The following ZZEF1 variants were observed in gnomAD, a reference collection of about 807,000 sequenced individuals.
The protein encoded by ZZEF1 is zinc finger ZZ-type and EF-hand domain containing 1.
ZZEF1 carries 157 observed loss-of-function variants against 342.8 expected under a neutral mutation model. The observed-to-expected ratio is 0.46, with a 90% CI of 0.40 to 0.52. The LOEUF is 0.52. Among genes scored for constraint, ZZEF1 ranks in the 20% least tolerant of loss-of-function variants. The pLI, the probability that ZZEF1 is intolerant of heterozygous loss-of-function variation, is 0.00. For synonymous variants in ZZEF1, 1,505 were observed against 1,429.1 expected, an observed-to-expected ratio of 1.05 and a Z score of -1.20; for missense variants, 3,480 against 3,725.6, an observed-to-expected ratio of 0.93 and a Z score of 1.72.
intron 1 of ZZEF1, among the ~76,000 whole-genome samples, chr17:4,135,585 G>A (rs1183193711): frequency 6.6e-6 from 1 of 152,104 alleles, no homozygotes; most frequent in Non-Finnish European, 1.5e-5. Flanking sequence ...CATCTCCTCT[G>A]GACAGTTCTG....
rs1394813821 is a variant in ZZEF1, at chr17:4,017,665, G to A, written c.7707C>T (p.Ser2569=). 1 of 1,614,018 alleles carries A rather than the reference G, an allele frequency of 6.2e-7. No homozygotes were observed. The highest frequency in any genetic ancestry group is 2.2e-5 in the East Asian group (1 of 44,882). Residue 2569 remains serine (S), a synonymous_variant, in exon 48 of 55, where the codon TCC becomes TCT. Coordinates refer to ENST00000381638, the MANE Select transcript of ZZEF1 (RefSeq NM_015113.4). This position sits in a 1 kb window ranked among gnomAD's most constrained non-coding sequence, Gnocchi z 5.1. ...TCTGCTGCAGTTCGCTCTCTGTGCT[G>A]GAGATCAGCTTCTGGGTCACAGGGT... ...ESNPVTQKLI[S]STESELQQSY...
At chr17:4,072,315 G>A (rs1164827805) in intron 25 of ZZEF1, among the ~76,000 whole-genome samples, 1 of 152,172 alleles carries the variant, frequency 6.6e-6, no homozygotes, top group African/African-American at 2.4e-5. Context: ...TGACTCAGTA[G>A]GCACTAGAAG....
Position 4,075,095 on chromosome 17 carries a change from A to T in ZZEF1, c.3483+2T>A. ...GTACCTCTTTCTGGGACTATCACTC[A>T]CCTTGGGCCATTTATCAGTGCCAAC... On this transcript the variant is annotated splice_donor_variant, in intron 23 of 54. Coordinates refer to ENST00000381638, the MANE Select transcript of ZZEF1 (RefSeq NM_015113.4). LOFTEE classifies it high-confidence loss of function. The T allele has an allele frequency of 1.2e-6, 2 of 1,613,960 alleles. No individual in the cohort carries two copies. Among genetic ancestry groups the T allele is most frequent in the Non-Finnish European group, 1.7e-6 (2 of 1,179,940 alleles).
In ZZEF1 at chr17:4,014,693, T is replaced by C. The variant is rs1303607407; in HGVS notation, c.8146-178A>G. 2.6e-5 allele frequency among the ~76,000 whole-genome samples: 4 copies of C among 152,104 alleles called. No homozygotes were observed. The highest frequency in any genetic ancestry group is 4.8e-5 in the African/African-American group (2 of 41,388). On this transcript the variant is annotated intron_variant, in intron 49 of 54. Transcript: ENST00000381638. This position sits in a 1 kb window ranked among gnomAD's most constrained non-coding sequence, Gnocchi z 4.4. The stretch of plus-strand genomic sequence containing the variant: ...GAGGAGCATGCACAGACTGCAAATA[T>C]GGTGCGAGGGAGGCACAGCGGGGCA...
At chr17:4,054,000 T>C in intron 34 of ZZEF1, 57 bp downstream of exon 34, 2 of 1,535,114 alleles carry the variant, frequency 1.3e-6, no homozygotes, top group Non-Finnish European at 1.8e-6. Context: ...GACAAGATCA[T>C]AGAAATCAGA....
rs562799897 is a variant in ZZEF1, at chr17:4,076,810, G to A, written c.3112-51C>T. 38 of 1,611,556 alleles carry A rather than the reference G, an allele frequency of 2.4e-5. 1 individual carries two copies. In the South Asian group the frequency reaches 4.0e-4, roughly 17 times the overall value. On this transcript the variant is annotated intron_variant, in intron 20 of 54. Transcript: ENST00000381638. ...AGCGTCCACCTTAGGCTGGGCCTGG[G>A]GATGCAGACCCCCAACCCCCTTCCG...
chr17:4,045,232 T>A (rs1008031094), intron 37 of ZZEF1, among the ~76,000 whole-genome samples: 19 of 152,162 alleles, frequency 1.2e-4, no homozygotes, highest in African/African-American at 4.3e-4. Context: ...TGCAGTCCCA[T>A]AAGAAATGGC....
intron 34 of ZZEF1, among the ~76,000 whole-genome samples, chr17:4,052,870 A>T (rs929452525): frequency 8.6e-6 from 1 of 116,838 alleles, no homozygotes; most frequent in African/African-American, 4.5e-5. Flanking sequence ...TTGTCTCGGG[A>T]GGGCGGCGGG....
Position 4,041,130 on chromosome 17 carries a change from G to C in ZZEF1, c.6306+1299C>G, listed in dbSNP as rs554548257. Reference sequence around the variant, plus strand: ...TCCAAGCCTGAGGGTACTGATTTCAGAGGTGAATTACCAGCTACCTAGACA... The same window carrying C: ...TCCAAGCCTGAGGGTACTGATTTCACAGGTGAATTACCAGCTACCTAGACA... On this transcript the variant is annotated intron_variant, in intron 39 of 54. Coordinates refer to ENST00000381638, the MANE Select transcript of ZZEF1 (RefSeq NM_015113.4). 9.8e-5 allele frequency among the ~76,000 whole-genome samples: 15 copies of C among 152,352 alleles called. 1 individual carries two copies. The South Asian group carries it at 3.1e-3, about 32-fold the overall frequency.
chr17:4,045,682 A>G (rs560131621), intron 37 of ZZEF1, among the ~76,000 whole-genome samples: 13 of 152,280 alleles, frequency 8.5e-5, no homozygotes, highest in African/African-American at 2.9e-4. Flanking sequence ...GTTAATTAAC[A>G]TGGAAGGTGT....
At chr17:4,053,519 GCACA>G (rs748294584) in intron 34 of ZZEF1, among the ~76,000 whole-genome samples, 2 of 152,162 alleles carry the variant, frequency 1.3e-5, no homozygotes. Flanking sequence ...TTATAACTCA[GCACA>G]CACATTCTTG....
Position 4,017,277 on chromosome 17 carries a change from AG to A in ZZEF1, c.8001+93del. On this transcript the variant is annotated intron_variant, in intron 48 of 54. Transcript: ENST00000381638. This position sits in a 1 kb window ranked among gnomAD's most constrained non-coding sequence, Gnocchi z 5.1. ...CTGTCAGGGAGCTGCACAGCCACAC[AG>A]GTAGCCTCGCTCCAGGAAGCACTCA... 11 of 1,501,180 alleles carry A rather than the reference AG, an allele frequency of 7.3e-6. No individual in the cohort carries two copies. The highest frequency in any genetic ancestry group is 9.8e-6 in the Non-Finnish European group (11 of 1,122,742). The allele number at this position is 1,501,180 out of a possible 1,614,324, so 93.0% of individuals were successfully genotyped here.
At chr17:4,070,338 C>CT (rs1190790739) in intron 26 of ZZEF1, among the ~76,000 whole-genome samples, 1 of 152,206 alleles carries the variant, frequency 6.6e-6, no homozygotes, top group East Asian at 1.9e-4. Flanking sequence ...GAAAGGTCGT[C>CT]TGATTAACCT....
At position 4,014,597 on chromosome 17, in the gene ZZEF1, G is replaced by A; in HGVS notation, c.8146-82C>T. ...CAGCTGTCCCATGCCGAGTCCTGTG[G>A]CTGGACCCGGGTGTGTGAGAATGAG... is the stretch of plus-strand genomic sequence containing the variant. On this transcript the variant is annotated intron_variant, in intron 49 of 54. Coordinates refer to ENST00000381638, the MANE Select transcript of ZZEF1 (RefSeq NM_015113.4). This position sits in a 1 kb window ranked among gnomAD's most constrained non-coding sequence, Gnocchi z 4.4. 1 of 1,461,002 alleles carries A rather than the reference G, an allele frequency of 6.8e-7. No homozygotes were observed. The highest frequency in any genetic ancestry group is 1.9e-4 in the Middle Eastern group (1 of 5,166). 90.5% of individuals were successfully genotyped at this position (1,461,002 alleles called of 1,614,324 possible).
intron 17 of ZZEF1, 117 bp downstream of exon 17, chr17:4,082,316 GCTTT>G: frequency 1.1e-6 from 1 of 893,284 alleles, no homozygotes; most frequent in Non-Finnish European, 1.8e-6. Context: ...CAGAAACTCG[GCTTT>G]CTAACTGAGT....
At chr17:4,018,257 A>T (rs1019079193) in intron 46 of ZZEF1, among the ~76,000 whole-genome samples, 9 of 152,168 alleles carry the variant, frequency 5.9e-5, no homozygotes, top group African/African-American at 1.9e-4. Flanking sequence ...TTCATTAAAA[A>T]AACATTTTTA....
In ZZEF1 at chr17:4,117,092, G is replaced by C. The variant is rs748968021; in HGVS notation, c.574C>G (p.Arg192Gly). 2 of 1,614,106 alleles carry C rather than the reference G, an allele frequency of 1.2e-6. No homozygotes were observed. Among genetic ancestry groups the C allele is most frequent in the South Asian group, 2.2e-5 (2 of 91,068 alleles). Residue 192 changes from arginine to glycine, a missense_variant, in exon 3 of 55, where the codon CGC (arginine) becomes GGC (glycine). By Grantham distance (125) the Arg-to-Gly change is moderately radical. This residue lies in a region of ZZEF1 where 416 missense variants were observed against 374.2 expected (regional missense o/e 1.11). Coordinates refer to ENST00000381638, the MANE Select transcript of ZZEF1 (RefSeq NM_015113.4). ...HSSMILRFLH[R>G]NRLSSAVMPY... ...ATCACCGCGCTGGAGAGCCGATTGCGGTGCAGGAAGCGCAGTATCATTGAC... is the reference window on the plus strand; with the variant it reads ...ATCACCGCGCTGGAGAGCCGATTGCCGTGCAGGAAGCGCAGTATCATTGAC...
Position 4,117,137 on chromosome 17 carries a change from CCTT to C in ZZEF1, c.526_528del (p.Lys176del). On this transcript the variant is annotated inframe_deletion, in exon 3 of 55. Transcript: ENST00000381638. Reference sequence around the variant, plus strand: ...ATTGACGAGTGAATATCAAGGCCCTCCTTCGACTCTGAAAATATGTCTGTGAAA... The same window carrying C: ...ATTGACGAGTGAATATCAAGGCCCTCCGACTCTGAAAATATGTCTGTGAAA... The C allele has an allele frequency of 6.2e-7, 1 of 1,613,216 alleles. No homozygotes were observed. The highest frequency in any genetic ancestry group is 8.5e-7 in the Non-Finnish European group (1 of 1,179,472).
Position 4,123,916 on chromosome 17 carries a change from G to T in ZZEF1, c.490C>A (p.Leu164Met). The change falls in exon 2 of 55, where the codon CTG (leucine) becomes ATG (methionine). Residue 164 changes from leucine (L) to methionine (M), a missense_variant. This residue lies in a region of ZZEF1 where 416 missense variants were observed against 374.2 expected (regional missense o/e 1.11). Coordinates refer to ENST00000381638, the MANE Select transcript of ZZEF1 (RefSeq NM_015113.4). Reference protein sequence around the residue: ...HIIRQLQACSLVPGFTDIFSE... With the variant: ...HIIRQLQACSMVPGFTDIFSE... ...TAGATGGAAGCCTCACCTGGAACCAGAGAGCAGGCCTGTAGTTGTCTGATG... is the reference window on the plus strand; with the variant it reads ...TAGATGGAAGCCTCACCTGGAACCATAGAGCAGGCCTGTAGTTGTCTGATG... 6.2e-7 allele frequency: 1 copy of T among 1,613,464 alleles called. No individual in the cohort carries two copies. Among genetic ancestry groups the T allele is most frequent in the Non-Finnish European group, 8.5e-7 (1 of 1,179,792 alleles).
Sources: gnomAD v4.1 joint callset for allele counts (sites outside exome capture counted in the v4.1 genomes callset) on GRCh38, gnomAD v4.1.1 for gene constraint, gnomAD v4.1.1 regional missense constraint, Gnocchi (gnomAD v3.1) non-coding constraint, MANE v1.5 for transcripts, NCBI Gene and HGNC (gene_info 2026-07-23, HGNC 2026-07-21) for gene names.